Variants in UBE3C observed in about 807,000 individuals in gnomAD.
UBE3C encodes ubiquitin-protein ligase E3C.
A neutral mutation model predicts 129.4 loss-of-function variants in UBE3C; 42 were observed. The ratio of observed to expected loss-of-function variants is 0.32; its 90% CI spans 0.25 to 0.42. The LOEUF (loss-of-function observed/expected upper bound fraction) is 0.42. Among genes scored for constraint, UBE3C ranks in the 10% least tolerant of loss-of-function variants. UBE3C has a pLI of 1.00. For missense variants in UBE3C, 1,049 were observed against 1,319.1 expected, an observed-to-expected ratio of 0.80 and a Z score of 3.17; for synonymous variants, 510 against 492.4, an observed-to-expected ratio of 1.04 and a Z score of -0.47.
In UBE3C at chr7:157,202,695, G is replaced by T. The variant is rs182019154; in HGVS notation, c.1418+888G>T. On this transcript the variant is annotated intron_variant, in intron 11 of 22. Coordinates refer to ENST00000348165, the MANE Select transcript of UBE3C (RefSeq NM_014671.3). ...AAGAAGTCTATGCCAATCCCCCTGT[G>T]CTGTAATCGGAAAAGATGAAGTGTG... Among the ~76,000 whole-genome samples, 449 of 152,298 alleles carry T rather than the reference G, an allele frequency of 2.9e-3. 2 individuals carry two copies. Among genetic ancestry groups the T allele is most frequent in the African/African-American group, 0.01 (426 of 41,568 alleles).
At chr7:157,213,975 T>G (rs1225530908) in intron 13 of UBE3C, among the ~76,000 whole-genome samples, 1 of 152,200 alleles carries the variant, frequency 6.6e-6, no homozygotes, top group Non-Finnish European at 1.5e-5. Flanking sequence ...TAAATAAATA[T>G]AAACATATTA....
In UBE3C at chr7:157,211,952, C is replaced by T. The variant is rs188059481; in HGVS notation, c.1809+4017C>T. On this transcript the variant is annotated intron_variant, in intron 13 of 22. Transcript: ENST00000348165. ...AGAGAAGCACCAGCTGCTGCGTCATCTGGCACTTGACTCACTTGAGGAAAA... is the reference window on the plus strand; with the variant it reads ...AGAGAAGCACCAGCTGCTGCGTCATTTGGCACTTGACTCACTTGAGGAAAA... 2.2e-3 allele frequency among the ~76,000 whole-genome samples: 341 copies of T among 152,364 alleles called. 1 individual carries two copies. Among genetic ancestry groups the T allele is most frequent in the African/African-American group, 7.6e-3 (315 of 41,584 alleles).
At chr7:157,196,635 T>G (rs1396938327) in intron 10 of UBE3C, among the ~76,000 whole-genome samples, 2 of 152,190 alleles carry the variant, frequency 1.3e-5, no homozygotes, top group African/African-American at 4.8e-5. Context: ...ATTACTTGAT[T>G]TTAAAATGCT....
chr7:157,200,833 C>A (rs922170673), intron 10 of UBE3C, among the ~76,000 whole-genome samples: 1 of 152,098 alleles, frequency 6.6e-6, no homozygotes, highest in Non-Finnish European at 1.5e-5. Context: ...CCAGGCTGGT[C>A]TCAAACTCCT....
chr7:157,195,578 G>T (rs1809096106), intron 10 of UBE3C, among the ~76,000 whole-genome samples: 1 of 152,138 alleles, frequency 6.6e-6, no homozygotes, highest in African/African-American at 2.4e-5. Flanking sequence ...AATGTGTATA[G>T]CTGTTACTGT....
chr7:157,168,270 G>C (rs970947710), intron 2 of UBE3C, among the ~76,000 whole-genome samples: 2 of 149,894 alleles, frequency 1.3e-5, no homozygotes, highest in African/African-American at 4.9e-5. Context: ...AGAATGGTGT[G>C]AACCCAGGAG....
At chr7:157,209,296 GATA>G (rs1288548029) in intron 13 of UBE3C, among the ~76,000 whole-genome samples, 1 of 152,186 alleles carries the variant, frequency 6.6e-6, no homozygotes, top group Non-Finnish European at 1.5e-5. Flanking sequence ...AGCCGTAACT[GATA>G]ATGTTTTGAT....
chr7:157,177,492 A>C (rs913695769), intron 5 of UBE3C, among the ~76,000 whole-genome samples: 3 of 152,214 alleles, frequency 2.0e-5, no homozygotes, highest in African/African-American at 7.2e-5. Context: ...TGGGATTATC[A>C]GCACACATGC....
chr7:157,191,379 C>G (rs1395801352), intron 10 of UBE3C, among the ~76,000 whole-genome samples: 1 of 152,232 alleles, frequency 6.6e-6, no homozygotes, highest in Non-Finnish European at 1.5e-5. Context: ...GAAACCCCGC[C>G]TCCCAGGCTC....
At chr7:157,156,680 A>G (rs146467256) in intron 1 of UBE3C, among the ~76,000 whole-genome samples, 1 of 150,672 alleles carries the variant, frequency 6.6e-6, no homozygotes, top group East Asian at 1.9e-4. Context: ...CTCTACATAC[A>G]TAATCATATA....
chr7:157,190,001 A>G (rs1808912575), intron 10 of UBE3C, among the ~76,000 whole-genome samples: 1 of 152,138 alleles, frequency 6.6e-6, no homozygotes, highest in African/African-American at 2.4e-5. Context: ...GGGTTTCACC[A>G]TGTAGGCCAG....
intron 19 of UBE3C, among the ~76,000 whole-genome samples, chr7:157,250,183 G>A (rs1796587260): frequency 6.6e-6 from 1 of 152,068 alleles, no homozygotes; most frequent in African/African-American, 2.4e-5. Context: ...CTCATACACT[G>A]TTCTGTCTAC....
intron 15 of UBE3C, chr7:157,223,007 T>G: frequency 5.2e-6 from 2 of 387,808 alleles, no homozygotes; most frequent in East Asian, 5.4e-5. Flanking sequence ...ACAGCTGGAG[T>G]GGAAGTGTAG....
intron 17 of UBE3C, among the ~76,000 whole-genome samples, chr7:157,227,542 C>CA (rs199763738): frequency 0.12 from 17,321 of 150,094 alleles, 2,796 homozygotes; most frequent in African/African-American, 0.36. Context: ...ACTAAAAATA[C>CA]AAAAAAAAAT....
intron 9 of UBE3C, among the ~76,000 whole-genome samples, chr7:157,185,004 C>A (rs1366502043): frequency 6.6e-6 from 1 of 152,132 alleles, no homozygotes; most frequent in African/African-American, 2.4e-5. Context: ...TGTACACCAA[C>A]AAGTATTCAT....
intron 22 of UBE3C, among the ~76,000 whole-genome samples, chr7:157,264,144 C>A (rs905283242): frequency 6.7e-6 from 1 of 149,616 alleles, no homozygotes; most frequent in African/African-American, 2.5e-5. Flanking sequence ...CACACACACA[C>A]CTGGTATTAC....
chr7:157,185,678 G>C (rs1808785223), intron 9 of UBE3C, among the ~76,000 whole-genome samples: 2 of 152,086 alleles, frequency 1.3e-5, no homozygotes, highest in Non-Finnish European at 2.9e-5. Context: ...CCCTTGATAA[G>C]CTCTTTTGCC....
chr7:157,170,669 C>T (rs1161370454), intron 4 of UBE3C, among the ~76,000 whole-genome samples: 1 of 152,078 alleles, frequency 6.6e-6, no homozygotes, highest in African/African-American at 2.4e-5. Context: ...TAGGCTTTTT[C>T]GTATTTTTTG....
chr7:157,231,452 TGCAAAA>T, intron 18 of UBE3C, 125 bp downstream of exon 18: 1 of 1,444,252 alleles, frequency 6.9e-7, no homozygotes, highest in Non-Finnish European at 9.3e-7. Flanking sequence ...TGCTAAATGT[TGCAAAA>T]GCACTGCACG....
Sources: gnomAD v4.1 joint callset for allele counts (sites outside exome capture counted in the v4.1 genomes callset) on GRCh38, gnomAD v4.1.1 for gene constraint, MANE v1.5 for transcripts, NCBI Gene and HGNC (gene_info 2026-07-23, HGNC 2026-07-21) for gene names.